The following BICRAL variants were observed in gnomAD, a reference collection of about 807,000 sequenced individuals.
BICRAL encodes BICRA like chromatin remodeling complex associated protein, also known as BRD4-interacting chromatin-remodeling complex-associated protein-like.
BICRAL carries 8 observed loss-of-function variants against 91.8 expected under a neutral mutation model. That is an observed-to-expected ratio of 0.09 (90% CI 0.05 to 0.16). BICRAL has a LOEUF of 0.16. Among genes scored for constraint, BICRAL ranks in the 10% least tolerant of loss-of-function variants. The probability of loss-of-function intolerance (pLI) is 1.00; values close to 1 mark genes in which losing one functional copy is unlikely to be tolerated. For synonymous variants in BICRAL, 445 were observed against 491.1 expected (o/e 0.91, Z 1.24); for missense variants, 1,038 against 1,310.9 (o/e 0.79, Z 3.21).
intron 1 of BICRAL, among the ~76,000 whole-genome samples, chr6:42,808,969 C>G (rs187603930): frequency 3.2e-4 from 49 of 151,936 alleles, no homozygotes; most frequent in African/African-American, 1.2e-3. Flanking sequence ...TCCCCAGCCC[C>G]CTTCATGGTT....
At chr6:42,860,619 G>A (rs1029872648) in intron 11 of BICRAL, among the ~76,000 whole-genome samples, 1 of 152,184 alleles carries the variant, frequency 6.6e-6, no homozygotes, top group East Asian at 1.9e-4. Context: ...AGAACAGATG[G>A]CTAAGAAGTT....
At chr6:42,760,894 C>A (rs928336043) in intron 1 of BICRAL, among the ~76,000 whole-genome samples, 1 of 152,056 alleles carries the variant, frequency 6.6e-6, no homozygotes, top group Non-Finnish European at 1.5e-5. Context: ...TGCTGGCTGG[C>A]GCCTGTAATC....
chr6:42,796,484 T>G (rs1234069676), intron 1 of BICRAL, among the ~76,000 whole-genome samples: 1 of 152,082 alleles, frequency 6.6e-6, no homozygotes, highest in African/African-American at 2.4e-5. Flanking sequence ...GTGTTCACAG[T>G]CGAGCACATA....
At chr6:42,793,764 T>A (rs1289535696) in intron 1 of BICRAL, among the ~76,000 whole-genome samples, 7 of 136,146 alleles carry the variant, frequency 5.1e-5, no homozygotes, top group African/African-American at 2.0e-4. Context: ...CAAGATGACT[T>A]TTTTTTTTTT....
intron 1 of BICRAL, among the ~76,000 whole-genome samples, chr6:42,754,462 G>A (rs569251123): frequency 1.3e-5 from 2 of 152,154 alleles, no homozygotes; most frequent in African/African-American, 4.8e-5. Flanking sequence ...GTGAGCCACC[G>A]TGCCATACAT....
intron 7 of BICRAL, 117 bp downstream of exon 7, chr6:42,852,314 T>G: frequency 1.4e-6 from 1 of 725,460 alleles, no homozygotes; most frequent in Non-Finnish European, 2.5e-6. Flanking sequence ...ACTCCGATTA[T>G]TCCTTTCTTT....
intron 1 of BICRAL, among the ~76,000 whole-genome samples, chr6:42,800,758 A>G (rs774772531): frequency 6.6e-6 from 1 of 152,096 alleles, no homozygotes; most frequent in Non-Finnish European, 1.5e-5. Flanking sequence ...ATAAAAGGGA[A>G]TCCTCAGTGT....
Position 42,855,897 on chromosome 6 carries a change from A to C in BICRAL, c.2088A>C (p.Lys696Asn). The change falls in exon 9 of 13, where the codon AAA becomes AAC. Residue 696 changes from lysine (K) to asparagine (N), a missense_variant. Coordinates refer to ENST00000314073, the MANE Select transcript of BICRAL (RefSeq NM_001393499.1). ...GAGGACAAAAAAGGCCTGCTGCGAA[A>C]CAGCTAACGAAAGGAGCTTTGTGAG... ...HSGGQKRPAA[K>N]QLTKGAFILQ... 1 of 1,613,848 alleles carries C rather than the reference A, an allele frequency of 6.2e-7. No homozygotes were observed. The highest frequency in any genetic ancestry group is 1.3e-5 in the African/African-American group (1 of 75,040).
At chr6:42,836,686 A>C (rs573592381) in intron 6 of BICRAL, among the ~76,000 whole-genome samples, 13 of 149,418 alleles carry the variant, frequency 8.7e-5, no homozygotes, top group African/African-American at 3.2e-4. Flanking sequence ...CAGTGGCACA[A>C]TCTCAGCTCA....
intron 1 of BICRAL, among the ~76,000 whole-genome samples, chr6:42,799,122 G>T (rs1453403286): frequency 6.6e-6 from 1 of 152,182 alleles, no homozygotes; most frequent in East Asian, 1.9e-4. Context: ...GCCCAGGCTG[G>T]ACTTGAACTC....
intron 5 of BICRAL, among the ~76,000 whole-genome samples, chr6:42,826,050 C>CT (rs1280682099): frequency 6.6e-6 from 1 of 150,598 alleles, no homozygotes; most frequent in East Asian, 1.9e-4. Context: ...GGCCACTGCA[C>CT]TCCAGCATGG....
chr6:42,863,049 C>CTT lies in BICRAL; in HGVS notation c.2452+454_2452+455dup, dbSNP rs34653827. 4.8e-4 allele frequency among the ~76,000 whole-genome samples: 63 copies of CTT among 130,672 alleles called. 1 individual carries two copies. Among genetic ancestry groups the CTT allele is most frequent in the East Asian group, 4.0e-3 (18 of 4,492 alleles). The allele number at this position is 130,672 out of a possible 152,430, so 85.7% of individuals were successfully genotyped here. A position where few individuals can be genotyped will look rare whatever the true frequency, so the allele number is the denominator to read the frequency against. On this transcript the variant is annotated intron_variant, in intron 12 of 12. Transcript: ENST00000314073. ...ATGTTCTAAATCCTCATGGACATTT[C>CTT]TTTTTTTTTTTTTTTTTTGAGACGG...
At chr6:42,757,512 A>C (rs1477048310) in intron 1 of BICRAL, among the ~76,000 whole-genome samples, 2 of 152,166 alleles carry the variant, frequency 1.3e-5, no homozygotes, top group East Asian at 3.9e-4. Context: ...TCGGCCTCCC[A>C]TAGTGCTGGG....
At chr6:42,808,894 G>C (rs560743897) in intron 1 of BICRAL, among the ~76,000 whole-genome samples, 1 of 152,194 alleles carries the variant, frequency 6.6e-6, no homozygotes, top group South Asian at 2.1e-4. Context: ...AACAAGCCCT[G>C]TGACTTCCAA....
intron 1 of BICRAL, among the ~76,000 whole-genome samples, chr6:42,754,383 A>G (rs958450403): frequency 3.3e-5 from 5 of 151,834 alleles, no homozygotes; most frequent in Admixed American, 3.3e-4. Flanking sequence ...TGTGTTAGTC[A>G]GGATGGTCTG....
chr6:42,784,757 T>C (rs1763052271), intron 1 of BICRAL, among the ~76,000 whole-genome samples: 1 of 152,226 alleles, frequency 6.6e-6, no homozygotes, highest in African/African-American at 2.4e-5. Flanking sequence ...TGGGAGATGT[T>C]TTTAAATAGA....
chr6:42,758,665 T>C (rs1762495848), intron 1 of BICRAL, among the ~76,000 whole-genome samples: 1 of 150,564 alleles, frequency 6.6e-6, no homozygotes, highest in Non-Finnish European at 1.5e-5. Context: ...ATCAGGACTA[T>C]CTTTTGGGAA....
Position 42,828,613 on chromosome 6 carries a change from C to A in BICRAL, c.280C>A (p.Leu94Ile). Residue 94 changes from leucine (L) to isoleucine (I), a missense_variant, in exon 6 of 13, where the codon CTT (leucine) becomes ATT (isoleucine). Physicochemically the swap from Leu to Ile is conservative, Grantham distance 5. Around this residue, in one of 5 missense-constraint regions of BICRAL, gnomAD observed 115 missense variants for 121.5 expected, o/e 0.95. Coordinates refer to ENST00000314073, the MANE Select transcript of BICRAL (RefSeq NM_001393499.1). ...FLEDELESSP[L>I]PDLTEDQPFD... ...TGAAGATGAACTCGAGTCTTCTCCT[C>A]TTCCTGATCTCACTGAGGACCAACC... is the stretch of plus-strand genomic sequence containing the variant. 1.2e-6 allele frequency: 2 copies of A among 1,614,134 alleles called. No individual in the cohort carries two copies. The highest frequency in any genetic ancestry group is 2.7e-5 in the African/African-American group (2 of 75,034).
At chr6:42,839,632 A>G (rs1041902538) in intron 6 of BICRAL, among the ~76,000 whole-genome samples, 3 of 152,072 alleles carry the variant, frequency 2.0e-5, no homozygotes, top group African/African-American at 7.2e-5. Context: ...CTCACCCATC[A>G]TATCAGTTTA....
Sources: gnomAD v4.1 joint callset for allele counts (sites outside exome capture counted in the v4.1 genomes callset) on GRCh38, gnomAD v4.1.1 for gene constraint, gnomAD v4.1.1 regional missense constraint, MANE v1.5 for transcripts, NCBI Gene and HGNC (gene_info 2026-07-23, HGNC 2026-07-21) for gene names.